The following RGS7 variants were observed in gnomAD, a reference collection of about 807,000 sequenced individuals.
RGS7 encodes regulator of G protein signaling 7, also known as regulator of G-protein signaling 7.
A neutral mutation model predicts 81.1 loss-of-function variants in RGS7; 27 were observed. The observed-to-expected ratio is 0.33, with a 90% CI of 0.25 to 0.46. The LOEUF (loss-of-function observed/expected upper bound fraction) is 0.46, where lower values mean the gene tolerates loss of function less well. Among genes scored for constraint, RGS7 ranks in the 20% least tolerant of loss-of-function variants. The pLI, the probability that RGS7 is intolerant of heterozygous loss-of-function variation, is 1.00. For synonymous variants in RGS7, 208 were observed against 207.7 expected (o/e 1.00, Z -0.01); for missense variants, 396 against 607.4 (o/e 0.65, Z 3.66).
intron 4 of RGS7, among the ~76,000 whole-genome samples, chr1:240,947,118 C>T (rs2148420396): frequency 6.6e-6 from 1 of 152,128 alleles, no homozygotes; most frequent in East Asian, 1.9e-4. Context: ...ACACACATGC[C>T]CCCTGGTGGG....
In RGS7 at chr1:241,172,097, C is replaced by G. The variant is rs1407608242; in HGVS notation, c.79-73335G>C. On this transcript the variant is annotated intron_variant, in intron 2 of 18. Coordinates refer to ENST00000440928, the MANE Select transcript of RGS7 (RefSeq NM_001364886.1). Reference sequence around the variant, plus strand: ...CTCAGACAAGTCCTTAGCAACATAGCATTTCTCTGCCAGAGATTACATGAG... The same window carrying G: ...CTCAGACAAGTCCTTAGCAACATAGGATTTCTCTGCCAGAGATTACATGAG... Among the ~76,000 whole-genome samples, 4 of 152,238 alleles carry G rather than the reference C, an allele frequency of 2.6e-5. No individual in the cohort carries two copies. In the East Asian group the frequency reaches 7.7e-4, roughly 29 times the overall value.
At chr1:241,226,089 T>G (rs562373869) in intron 2 of RGS7, among the ~76,000 whole-genome samples, 100 of 152,128 alleles carry the variant, frequency 6.6e-4, no homozygotes, top group Non-Finnish European at 1.0e-3. Flanking sequence ...CCAAGAGTGA[T>G]GGAGATGAGA....
intron 6 of RGS7, among the ~76,000 whole-genome samples, chr1:240,872,294 A>G (rs148993542): frequency 2.6e-3 from 395 of 152,264 alleles, no homozygotes; most frequent in African/African-American, 8.8e-3. Context: ...ATTCTTTGGT[A>G]TAAAGAAAGA....
intron 3 of RGS7, among the ~76,000 whole-genome samples, chr1:241,031,784 A>G (rs543133493): frequency 6.6e-6 from 1 of 152,142 alleles, no homozygotes; most frequent in Non-Finnish European, 1.5e-5. Context: ...CTTTTGAAAA[A>G]TGTCTGTTTG....
At chr1:240,969,038 G>A (rs1337360274) in intron 4 of RGS7, among the ~76,000 whole-genome samples, 1 of 152,166 alleles carries the variant, frequency 6.6e-6, no homozygotes, top group Non-Finnish European at 1.5e-5. Flanking sequence ...CCGCTTCTGG[G>A]TAACAGATAT....
intron 2 of RGS7, among the ~76,000 whole-genome samples, chr1:241,172,012 A>G (rs761349613): frequency 1.3e-5 from 2 of 152,212 alleles, no homozygotes; most frequent in Non-Finnish European, 2.9e-5. Context: ...GAAGAGCATT[A>G]CTTTCACAAT....
chr1:241,299,050 G>A (rs568413159), intron 2 of RGS7, among the ~76,000 whole-genome samples: 6 of 152,278 alleles, frequency 3.9e-5, no homozygotes, highest in African/African-American at 1.4e-4. Context: ...GGGAAGCCCA[G>A]AGCTGGCAAA....
At chr1:241,256,333 A>C (rs1313612255) in intron 2 of RGS7, among the ~76,000 whole-genome samples, 1 of 152,230 alleles carries the variant, frequency 6.6e-6, no homozygotes, top group East Asian at 1.9e-4. Flanking sequence ...TATGCTCTGA[A>C]AAAAATGTTT....
chr1:241,342,019 C>A (rs1234484387), intron 2 of RGS7, among the ~76,000 whole-genome samples: 2 of 151,748 alleles, frequency 1.3e-5, no homozygotes, highest in Non-Finnish European at 2.9e-5. Flanking sequence ...AAATTACAGG[C>A]CCGTACCACC....
chr1:241,069,269 A>G lies in RGS7; in HGVS notation c.175+29397T>C, dbSNP rs140266376. Among the ~76,000 whole-genome samples the G allele has an allele frequency of 3.2e-3, 485 of 152,314 alleles. 1 individual carries two copies. The highest frequency in any genetic ancestry group is 5.6e-3 in the Non-Finnish European group (381 of 68,028). On this transcript the variant is annotated intron_variant, in intron 3 of 18. Coordinates refer to ENST00000440928, the MANE Select transcript of RGS7 (RefSeq NM_001364886.1). ...TCAAACCAGTAGTGTATTTTTGTAT[A>G]AATAAGAAATTAGCAATTGATTCTC...
chr1:240,983,415 G>C (rs762061583), intron 3 of RGS7, among the ~76,000 whole-genome samples: 6 of 152,152 alleles, frequency 3.9e-5, no homozygotes, highest in Non-Finnish European at 7.4e-5. Context: ...TACTAAATAA[G>C]TGTTTATTAA....
At chr1:241,161,896 T>G (rs1207384545) in intron 2 of RGS7, among the ~76,000 whole-genome samples, 2 of 152,038 alleles carry the variant, frequency 1.3e-5, no homozygotes, top group African/African-American at 4.8e-5. Context: ...TTTTGTATTT[T>G]TAGTAGAGAT....
intron 2 of RGS7, among the ~76,000 whole-genome samples, chr1:241,100,560 T>G (rs891657732): frequency 9.9e-5 from 15 of 152,118 alleles, no homozygotes; most frequent in African/African-American, 3.4e-4. Context: ...CACAGGTTTG[T>G]ATTTGACTCT....
rs77883598 is a variant in RGS7, at chr1:241,132,405, G to A, written c.79-33643C>T. On this transcript the variant is annotated intron_variant, in intron 2 of 18. Transcript: ENST00000440928. ...GGCCAGAGGTACTATGAGTGGGGAT[G>A]ACAGGATGGATGTGACAGACAGGAC... The A allele has an allele frequency of 7.4e-4, 114 of 154,532 alleles. 1 individual carries two copies. The highest frequency in any genetic ancestry group is 5.0e-3 in the Middle Eastern group (8 of 1,616). The allele number at this position is 154,532 out of a possible 1,614,324, so 9.6% of individuals were successfully genotyped here. A position where few individuals can be genotyped will look rare whatever the true frequency, so the allele number is the denominator to read the frequency against.
chr1:241,205,468 T>C (rs1053150787), intron 2 of RGS7, among the ~76,000 whole-genome samples: 1 of 151,558 alleles, frequency 6.6e-6, no homozygotes, highest in Non-Finnish European at 1.5e-5. Context: ...GGATATACTT[T>C]TTTTTTTTTT....
chr1:241,224,089 ATTTC>A (rs1319760323), intron 2 of RGS7, among the ~76,000 whole-genome samples: 1 of 150,910 alleles, frequency 6.6e-6, no homozygotes. Context: ...CCATATATAT[ATTTC>A]TTTAATTTAT....
intron 2 of RGS7, among the ~76,000 whole-genome samples, chr1:241,344,693 T>C (rs2082777490): frequency 6.6e-6 from 1 of 152,216 alleles, no homozygotes; most frequent in Admixed American, 6.5e-5. Flanking sequence ...TTGCCAGAAT[T>C]AGAAAAGCCT....
At chr1:241,295,430 G>A (rs1488371589) in intron 2 of RGS7, among the ~76,000 whole-genome samples, 3 of 151,670 alleles carry the variant, frequency 2.0e-5, no homozygotes, top group Admixed American at 6.6e-5. Flanking sequence ...TCCAGCCTGG[G>A]TGACAGAGCA....
At position 240,799,250 on chromosome 1, in the gene RGS7, GGTTT is replaced by G. The variant is rs1229809619; in HGVS notation, c.*6+1387_*6+1390del. 6.3e-3 allele frequency among the ~76,000 whole-genome samples: 866 copies of G among 137,104 alleles called. 6 individuals carry two copies. The highest frequency in any genetic ancestry group is 8.6e-3 in the Non-Finnish European group (568 of 66,200). The allele number at this position is 137,104 out of a possible 152,430, so 89.9% of individuals were successfully genotyped here. Reference sequence around the variant, plus strand: ...AACAGTGTCTGAAAGTTATTATTATGGTTTGTGTGTGTGTGTGTGTGTGTGTGTG... The same window carrying G: ...AACAGTGTCTGAAAGTTATTATTATGGTGTGTGTGTGTGTGTGTGTGTGTG... On this transcript the variant is annotated intron_variant, in intron 18 of 18. Transcript: ENST00000440928.
Sources: allele counts gnomAD v4.1 joint callset (sites outside exome capture counted in the v4.1 genomes callset), GRCh38; gene constraint gnomAD v4.1.1; transcripts MANE v1.5; gene names NCBI Gene and HGNC (gene_info 2026-07-23, HGNC 2026-07-21).